Variants in PRKCH observed in about 807,000 individuals in gnomAD.
PRKCH encodes the protein protein kinase C eta, also known as protein kinase C eta type.
In PRKCH, 28 loss-of-function variants were observed where a neutral mutation model predicts 82.5. The ratio of observed to expected loss-of-function variants is 0.34; its 90% CI spans 0.25 to 0.47. PRKCH has a LOEUF of 0.47. Ranked by LOEUF, PRKCH falls within the 20% of genes least tolerant of loss-of-function variation. The pLI, the probability that PRKCH is intolerant of heterozygous loss-of-function variation, is 1.00. For synonymous variants in PRKCH, 322 were observed against 327.4 expected (o/e 0.98, Z 0.18); for missense variants, 705 against 881.8 (o/e 0.80, Z 2.54).
chr14:61,391,168 G>A, intron 1 of PRKCH, 57 bp from the exon 2 acceptor site: 1 of 1,442,878 alleles, frequency 6.9e-7, no homozygotes, highest in African/African-American at 1.5e-5. Context: ...ATTGTTTAAG[G>A]CCCACAAAAA....
chr14:61,391,754 C>G (rs995930384), intron 2 of PRKCH, among the ~76,000 whole-genome samples: 5 of 152,188 alleles, frequency 3.3e-5, no homozygotes, highest in African/African-American at 1.2e-4. Context: ...CTCCCCCATC[C>G]AATATTTTTT....
chr14:61,251,312 AATT>A lies in PRKCH; in HGVS notation c.-19+63648_-19+63650del, dbSNP rs2044944318. ...GTACTAGGTCTTATTCGTTCTTTCTAATTATTTTTTGTACCCATTAACCATCCC... is the reference window on the plus strand; with the variant it reads ...GTACTAGGTCTTATTCGTTCTTTCTAATTTTTTGTACCCATTAACCATCCC... On this transcript the variant is annotated intron_variant, in intron 1 of 3. Transcript: ENST00000555185. Among the ~76,000 whole-genome samples, 10 of 152,188 alleles carry A rather than the reference AATT, an allele frequency of 6.6e-5. No individual in the cohort carries two copies. The South Asian group carries it at 2.1e-3, about 32-fold the overall frequency.
intron 2 of PRKCH, among the ~76,000 whole-genome samples, chr14:61,391,976 C>T (rs958354445): frequency 6.6e-6 from 1 of 152,130 alleles, no homozygotes; most frequent in Admixed American, 6.5e-5. Context: ...TTAGTTTTAC[C>T]TACCCTAGAA....
intron 1 of PRKCH, among the ~76,000 whole-genome samples, chr14:61,340,224 C>A (rs1353444791): frequency 6.6e-6 from 1 of 152,092 alleles, no homozygotes; most frequent in Admixed American, 6.5e-5. Flanking sequence ...CAGGTCAGTT[C>A]TTCTTTGTCT....
Position 61,280,315 on chromosome 14 carries a change from A to G in PRKCH, c.-19+92647A>G. 1 of 1,613,880 alleles carries G rather than the reference A, an allele frequency of 6.2e-7. No individual in the cohort carries two copies. ...GTTGACGCGGTAGGCGCCCCGCGGC[A>G]GCCCGGCCGAGTAGTTGCCCTGGCG... On this transcript the variant is annotated intron_variant, in intron 1 of 3. Coordinates refer to the PRKCH transcript ENST00000555185. The surrounding 1 kb of genome is among the most constrained non-coding windows in gnomAD (Gnocchi z 5.0).
At chr14:61,219,174 C>A (rs2044637146) in intron 1 of PRKCH, among the ~76,000 whole-genome samples, 1 of 152,198 alleles carries the variant, frequency 6.6e-6, no homozygotes, top group Non-Finnish European at 1.5e-5. Flanking sequence ...GGCTCATTAG[C>A]AGATAGATAG....
intron 1 of PRKCH, among the ~76,000 whole-genome samples, chr14:61,381,891 A>G (rs745988426): frequency 5.9e-5 from 9 of 152,230 alleles, no homozygotes; most frequent in Admixed American, 3.9e-4. Context: ...AGAAGCAGTC[A>G]GAGCAGCCTC....
At chr14:61,386,944 A>G (rs182703079) in intron 1 of PRKCH, among the ~76,000 whole-genome samples, 4 of 152,358 alleles carry the variant, frequency 2.6e-5, no homozygotes, top group Admixed American at 6.5e-5. Flanking sequence ...ACAAAAAAAA[A>G]TCCCAAAGAA....
At chr14:61,469,556 C>A (rs535198638) in intron 9 of PRKCH, among the ~76,000 whole-genome samples, 1 of 152,212 alleles carries the variant, frequency 6.6e-6, no homozygotes, top group Non-Finnish European at 1.5e-5. Context: ...GGACCTGAAG[C>A]GGCTGCCAAG....
At chr14:61,209,598 G>C (rs1359029362) in intron 1 of PRKCH, among the ~76,000 whole-genome samples, 4 of 152,062 alleles carry the variant, frequency 2.6e-5, no homozygotes, top group Non-Finnish European at 4.4e-5. Context: ...GTCAGACATA[G>C]ACTGGACCAT....
chr14:61,505,340 T>A (rs1307982460), intron 10 of PRKCH, among the ~76,000 whole-genome samples: 1 of 151,182 alleles, frequency 6.6e-6, no homozygotes, highest in Non-Finnish European at 1.5e-5. Flanking sequence ...AGACTTCACA[T>A]GGTGGAAGCC....
intron 9 of PRKCH, among the ~76,000 whole-genome samples, chr14:61,474,027 T>C (rs1245638953): frequency 6.6e-6 from 1 of 151,390 alleles, no homozygotes; most frequent in Non-Finnish European, 1.5e-5. Flanking sequence ...TTTTAGTAGA[T>C]GTTTATAGAG....
At chr14:61,307,309 T>G (rs1219774036) in intron 1 of PRKCH, 1 of 152,178 alleles carries the variant, frequency 6.6e-6, no homozygotes, top group Admixed American at 6.5e-5. Context: ...TCAAAGAAAA[T>G]TCCAGAAACA....
At chr14:61,467,977 G>A (rs1175367931) in intron 9 of PRKCH, among the ~76,000 whole-genome samples, 1 of 152,208 alleles carries the variant, frequency 6.6e-6, no homozygotes, top group East Asian at 1.9e-4. Flanking sequence ...CAGAGTCAGT[G>A]CATGGATTCC....
At chr14:61,534,070 G>T (rs923014174) in intron 12 of PRKCH, among the ~76,000 whole-genome samples, 1 of 152,154 alleles carries the variant, frequency 6.6e-6, no homozygotes, top group Non-Finnish European at 1.5e-5. Flanking sequence ...CTCATCAAAG[G>T]CCATTTAACA....
intron 6 of PRKCH, among the ~76,000 whole-genome samples, chr14:61,452,492 A>T (rs1192619320): frequency 6.6e-6 from 1 of 152,166 alleles, no homozygotes; most frequent in African/African-American, 2.4e-5. Context: ...ATTCCAGCTG[A>T]TAACGCCTCA....
At chr14:61,295,398 T>TA (rs1442875628) in intron 1 of PRKCH, among the ~76,000 whole-genome samples, 1 of 152,244 alleles carries the variant, frequency 6.6e-6, no homozygotes, top group African/African-American at 2.4e-5. Flanking sequence ...CACCAGGTGA[T>TA]ACTGATGTTG....
At position 61,437,334 on chromosome 14, in the gene PRKCH, C is replaced by T. The variant is rs576572287; in HGVS notation, c.428-5777C>T. 6.3e-4 allele frequency among the ~76,000 whole-genome samples: 96 copies of T among 152,228 alleles called. 1 individual carries two copies. Among genetic ancestry groups the T allele is most frequent in the Non-Finnish European group, 1.2e-3 (81 of 68,006 alleles). On this transcript the variant is annotated intron_variant, in intron 2 of 13. Transcript: ENST00000332981. Reference sequence around the variant, plus strand: ...TTGCTACCTTACCTCATTACCTTCCCGGGATATATTTTGCAGATATAAACC... The same window carrying T: ...TTGCTACCTTACCTCATTACCTTCCTGGGATATATTTTGCAGATATAAACC...
At chr14:61,317,829 A>G (rs543812891), upstream of PRKCH, among the ~76,000 whole-genome samples, 4 of 151,946 alleles carry the variant, frequency 2.6e-5, no homozygotes, top group South Asian at 2.1e-4. Context: ...TTCTCTTCCT[A>G]TCTTCCCATA....
Sources: gnomAD v4.1 joint callset for allele counts (sites outside exome capture counted in the v4.1 genomes callset) on GRCh38, gnomAD v4.1.1 for gene constraint, Gnocchi (gnomAD v3.1) non-coding constraint, MANE v1.5 for transcripts, NCBI Gene and HGNC (gene_info 2026-07-23, HGNC 2026-07-21) for gene names.